TDRP: variants seen among roughly 807,000 people sequenced by gnomAD.
TDRP encodes testis development related protein.
Under a neutral mutation model 10.5 loss-of-function variants are expected in TDRP, and 12 were observed. The observed-to-expected ratio is 1.15, with a 90% confidence interval of 0.73 to 1.86. TDRP has a LOEUF of 1.86. Ranked by LOEUF, TDRP falls within the 40% of genes most tolerant of loss-of-function variation. The pLI, the probability that TDRP is intolerant of heterozygous loss-of-function variation, is 0.00. For synonymous variants in TDRP, 139 were observed against 95.4 expected (o/e 1.46, Z -2.67); for missense variants, 353 against 229.2 (o/e 1.54, Z -3.49).
At chr8:507,058 C>T (rs943063838) in intron 1 of TDRP, among the ~76,000 whole-genome samples, 6 of 152,170 alleles carry the variant, frequency 3.9e-5, no homozygotes, top group Admixed American at 3.3e-4. Context: ...ACAATCATGG[C>T]GGAAGGCAAA....
rs150585070 is a variant in TDRP, at chr8:519,314, A to G, written c.109-24717T>C. The stretch of plus-strand genomic sequence containing the variant: ...AGCTGTTCCTCCGCTGTATCCTTTC[A>G]AGTGACCAGCAATCCTGAAAAATGA... On this transcript the variant is annotated intron_variant, in intron 1 of 2. Transcript: ENST00000324079. Among the ~76,000 whole-genome samples, 1,025 of 152,170 alleles carry G rather than the reference A, an allele frequency of 6.7e-3. 9 individuals carry two copies. The highest frequency in any genetic ancestry group is 0.027 in the Middle Eastern group (8 of 294).
chr8:538,522 C>T (rs1332516265), intron 1 of TDRP, among the ~76,000 whole-genome samples: 1 of 152,160 alleles, frequency 6.6e-6, no homozygotes, highest in Non-Finnish European at 1.5e-5. Context: ...TCTATTTATC[C>T]CAATTTTACA....
At chr8:519,969 T>C (rs1433147257) in intron 1 of TDRP, among the ~76,000 whole-genome samples, 1 of 152,120 alleles carries the variant, frequency 6.6e-6, no homozygotes, top group African/African-American at 2.4e-5. Flanking sequence ...TTTACCGGCA[T>C]CCAGCTAAAT....
intron 1 of TDRP, among the ~76,000 whole-genome samples, chr8:527,715 G>T (rs1254919826): frequency 3.3e-5 from 5 of 152,134 alleles, no homozygotes; most frequent in African/African-American, 1.2e-4. Flanking sequence ...GCAGAAGAAT[G>T]AAACTAGACT....
chr8:504,399 A>G (rs770403535), intron 1 of TDRP, among the ~76,000 whole-genome samples: 2 of 152,064 alleles, frequency 1.3e-5, no homozygotes, highest in African/African-American at 2.4e-5. Flanking sequence ...ATTCACTTCA[A>G]GAGTCCTGAA....
intron 1 of TDRP, among the ~76,000 whole-genome samples, chr8:529,273 C>T (rs7001601): frequency 0.59 from 90,014 of 151,982 alleles, 26,993 homozygotes; most frequent in Middle Eastern, 0.64. Flanking sequence ...TAAATATACA[C>T]ACCTACTATG....
At chr8:512,253 C>G (rs542751501) in intron 1 of TDRP, among the ~76,000 whole-genome samples, 1 of 149,016 alleles carries the variant, frequency 6.7e-6, no homozygotes, top group South Asian at 2.2e-4. Context: ...GAAACCCCTT[C>G]TCTACAACAA....
intron 1 of TDRP, among the ~76,000 whole-genome samples, chr8:523,981 C>G (rs1296285925): frequency 1.3e-5 from 2 of 152,208 alleles, no homozygotes; most frequent in Non-Finnish European, 2.9e-5. Flanking sequence ...GTGGTTATAG[C>G]AGGGCCTTGA....
rs188774609 is a variant in TDRP at position 514,658 on chromosome 8, T to C, written c.109-20061A>G. The stretch of plus-strand genomic sequence containing the variant: ...GCCGGATCCACATAAGCCAAGGAGC[T>C]TGAAGCCCTCTCTCCACTACCAGTC... On this transcript the variant is annotated intron_variant, in intron 1 of 2. Coordinates refer to ENST00000324079, the MANE Select transcript of TDRP (RefSeq NM_001384899.1). 2.0e-5 allele frequency among the ~76,000 whole-genome samples: 3 copies of C among 152,260 alleles called. No homozygotes were observed. The East Asian group carries it at 5.8e-4, about 29-fold the overall frequency.
chr8:506,524 G>C (rs892716922), intron 1 of TDRP, among the ~76,000 whole-genome samples: 1 of 152,190 alleles, frequency 6.6e-6, no homozygotes, highest in African/African-American at 2.4e-5. Context: ...CCCCACTCCC[G>C]GGAAGGAGGC....
intron 2 of TDRP, among the ~76,000 whole-genome samples, chr8:493,138 T>A (rs1321032944): frequency 6.6e-6 from 1 of 152,196 alleles, no homozygotes; most frequent in South Asian, 2.1e-4. Context: ...AGGTTTTCAA[T>A]TGGATTAACA....
intron 1 of TDRP, among the ~76,000 whole-genome samples, chr8:524,064 G>A (rs1021467649): frequency 2.0e-5 from 3 of 152,336 alleles, no homozygotes; most frequent in East Asian, 3.9e-4. Context: ...AAGAGTGCTT[G>A]TGTCACCCCT....
At chr8:504,834 T>A (rs2116754141) in intron 1 of TDRP, among the ~76,000 whole-genome samples, 1 of 152,302 alleles carries the variant, frequency 6.6e-6, no homozygotes, top group East Asian at 1.9e-4. Flanking sequence ...CATTCACATT[T>A]CGGAACCCAG....
chr8:535,703 G>A (rs960911439), intron 1 of TDRP, among the ~76,000 whole-genome samples: 1 of 131,220 alleles, frequency 7.6e-6, no homozygotes, highest in Non-Finnish European at 1.6e-5. Context: ...CCCACCATAT[G>A]GACAAGTGCC....
intron 1 of TDRP, among the ~76,000 whole-genome samples, chr8:508,633 G>C (rs748246465): frequency 3.9e-5 from 6 of 152,116 alleles, no homozygotes; most frequent in Non-Finnish European, 8.8e-5. Context: ...TTGATACATT[G>C]CGATTATGGG....
At chr8:534,350 G>A (rs899772099) in intron 1 of TDRP, among the ~76,000 whole-genome samples, 4 of 152,198 alleles carry the variant, frequency 2.6e-5, no homozygotes, top group Non-Finnish European at 4.4e-5. Flanking sequence ...GGGTTCCCGC[G>A]AGCCTCTGAA....
At chr8:540,961 G>A (rs2116882434) in intron 1 of TDRP, among the ~76,000 whole-genome samples, 1 of 152,250 alleles carries the variant, frequency 6.6e-6, no homozygotes, top group South Asian at 2.1e-4. Flanking sequence ...TTGGAGGGTA[G>A]GACAAAAGAC....
chr8:495,223 G>T (rs918196843), intron 1 of TDRP, among the ~76,000 whole-genome samples: 12 of 152,090 alleles, frequency 7.9e-5, no homozygotes, highest in Admixed American at 3.9e-4. Flanking sequence ...AACAGAGCAA[G>T]ACCCCATCTC....
intron 1 of TDRP, among the ~76,000 whole-genome samples, chr8:534,516 G>A (rs535811716): frequency 1.3e-5 from 2 of 152,254 alleles, no homozygotes; most frequent in South Asian, 4.1e-4. Flanking sequence ...TGCTCCCTCC[G>A]TAGGGAGTGC....
Sources: allele counts gnomAD v4.1 joint callset (sites outside exome capture counted in the v4.1 genomes callset), GRCh38; gene constraint gnomAD v4.1.1; transcripts MANE v1.5; gene names NCBI Gene and HGNC (gene_info 2026-07-23, HGNC 2026-07-21).